Variants in ZNF804A observed in about 807,000 individuals in gnomAD.
ZNF804A encodes the protein zinc finger protein 804A.
ZNF804A carries 2 observed loss-of-function variants against 16.5 expected under a neutral mutation model. The observed-to-expected ratio is 0.12, with a 90% confidence interval of 0.05 to 0.38. The LOEUF is 0.38. Among genes scored for constraint, ZNF804A ranks in the 10% least tolerant of loss-of-function variants. The pLI is 0.99. For synonymous variants in ZNF804A, 534 were observed against 489.6 expected, an observed-to-expected ratio of 1.09 and a Z score of -1.20; for missense variants, 1,473 against 1,390.7, an observed-to-expected ratio of 1.06 and a Z score of -0.94.
At chr2:184,871,119 A>G (rs1307791392) in intron 2 of ZNF804A, among the ~76,000 whole-genome samples, 1 of 151,332 alleles carries the variant, frequency 6.6e-6, no homozygotes, top group African/African-American at 2.4e-5. Flanking sequence ...TAGATCTTCC[A>G]CAATACAATT....
chr2:184,609,582 A>T (rs1178437624), intron 1 of ZNF804A, among the ~76,000 whole-genome samples: 1 of 152,238 alleles, frequency 6.6e-6, no homozygotes, highest in Non-Finnish European at 1.5e-5. Flanking sequence ...GTCCAAGATC[A>T]AGTTCCTAGC....
chr2:184,752,170 A>T (rs183661601), intron 1 of ZNF804A, among the ~76,000 whole-genome samples: 244 of 151,752 alleles, frequency 1.6e-3, no homozygotes, highest in Non-Finnish European at 2.8e-3. Flanking sequence ...TAAAAAAGAC[A>T]CCTGTCCTCA....
chr2:184,846,383 C>A (rs1357999683), intron 1 of ZNF804A, among the ~76,000 whole-genome samples: 5 of 151,986 alleles, frequency 3.3e-5, no homozygotes, highest in African/African-American at 4.8e-5. Flanking sequence ...ATGGCCAATG[C>A]CTATACATAT....
At chr2:184,657,798 G>A (rs192677132) in intron 1 of ZNF804A, among the ~76,000 whole-genome samples, 48 of 152,192 alleles carry the variant, frequency 3.2e-4, no homozygotes, top group African/African-American at 1.1e-3. Flanking sequence ...GGACTATTTG[G>A]AGTCATTATG....
At chr2:184,749,415 T>C (rs1693842565) in intron 1 of ZNF804A, among the ~76,000 whole-genome samples, 5 of 151,350 alleles carry the variant, frequency 3.3e-5, no homozygotes. Context: ...CTGATATTTG[T>C]ACATTTATTT....
At chr2:184,664,987 A>T (rs1692233876) in intron 1 of ZNF804A, among the ~76,000 whole-genome samples, 1 of 152,150 alleles carries the variant, frequency 6.6e-6, no homozygotes, top group Admixed American at 6.5e-5. Context: ...TATAATGATA[A>T]TTTTTTAAGA....
At chr2:184,897,901 C>A (rs890121741) in intron 2 of ZNF804A, among the ~76,000 whole-genome samples, 1 of 152,050 alleles carries the variant, frequency 6.6e-6, no homozygotes, top group African/African-American at 2.4e-5. Context: ...CAAGAATCAG[C>A]CATTTCTTCC....
chr2:184,843,528 C>T (rs1382593190), intron 1 of ZNF804A, among the ~76,000 whole-genome samples: 1 of 152,094 alleles, frequency 6.6e-6, no homozygotes, highest in African/African-American at 2.4e-5. Flanking sequence ...CCCACCTCAG[C>T]CTCCCAAAGT....
At chr2:184,905,629 T>C (rs1558998611) in intron 2 of ZNF804A, among the ~76,000 whole-genome samples, 1 of 152,144 alleles carries the variant, frequency 6.6e-6, no homozygotes, top group Non-Finnish European at 1.5e-5. Flanking sequence ...AGCTATAATA[T>C]ATGTTTGTTT....
Position 184,781,220 on chromosome 2 carries a change from A to T in ZNF804A, c.112-85149A>T, listed in dbSNP as rs188629533. Among the ~76,000 whole-genome samples the T allele has an allele frequency of 2.8e-3, 432 of 151,892 alleles. 3 individuals are homozygous for T. The highest frequency in any genetic ancestry group is 4.0e-3 in the Non-Finnish European group (268 of 67,832). On this transcript the variant is annotated intron_variant, in intron 1 of 3. Transcript: ENST00000302277. Reference sequence around the variant, plus strand: ...CATGCATATGATTGTGCACAAATTTATCTTAGTAATTTGACGTTTTCTGTT... The same window carrying T: ...CATGCATATGATTGTGCACAAATTTTTCTTAGTAATTTGACGTTTTCTGTT...
chr2:184,608,365 A>T (rs1436948841), intron 1 of ZNF804A, among the ~76,000 whole-genome samples: 1 of 152,234 alleles, frequency 6.6e-6, no homozygotes, highest in East Asian at 1.9e-4. Context: ...TGTGATAAAG[A>T]AAAGACAATT....
At chr2:184,804,434 G>T (rs949659518) in intron 1 of ZNF804A, among the ~76,000 whole-genome samples, 1 of 152,178 alleles carries the variant, frequency 6.6e-6, no homozygotes, top group Non-Finnish European at 1.5e-5. Flanking sequence ...TCAAAATCTG[G>T]TCTCTGCATA....
At chr2:184,612,534 G>A (rs1464225895) in intron 1 of ZNF804A, among the ~76,000 whole-genome samples, 1 of 151,728 alleles carries the variant, frequency 6.6e-6, no homozygotes, top group East Asian at 1.9e-4. Context: ...CGCCTCCCAG[G>A]TTCCAGCAAT....
At chr2:184,627,186 AT>A (rs558034156) in intron 1 of ZNF804A, among the ~76,000 whole-genome samples, 38 of 152,194 alleles carry the variant, frequency 2.5e-4, no homozygotes, top group African/African-American at 8.4e-4. Context: ...TCTGTTTGCC[AT>A]TTTTTTGTCA....
chr2:184,751,625 T>C (rs1693879303), intron 1 of ZNF804A, among the ~76,000 whole-genome samples: 1 of 151,464 alleles, frequency 6.6e-6, no homozygotes, highest in African/African-American at 2.4e-5. Flanking sequence ...GAAGCAAAGA[T>C]AGACAAGTGA....
At chr2:184,708,185 A>G (rs965139557) in intron 1 of ZNF804A, among the ~76,000 whole-genome samples, 1 of 152,020 alleles carries the variant, frequency 6.6e-6, no homozygotes, top group African/African-American at 2.4e-5. Context: ...TGTCAGATGC[A>G]TAGTTTGCAA....
rs1159906250 is a variant in ZNF804A, at chr2:184,693,116, C to T, written c.111+94046C>T. Among the ~76,000 whole-genome samples the T allele has an allele frequency of 3.3e-5, 5 of 152,168 alleles. No homozygotes were observed. In the East Asian group the frequency reaches 9.6e-4, roughly 29 times the overall value. On this transcript the variant is annotated intron_variant, in intron 1 of 3. Coordinates refer to ENST00000302277, the MANE Select transcript of ZNF804A (RefSeq NM_194250.2). The stretch of plus-strand genomic sequence containing the variant: ...GAAATCATTCATTGTGGGGTTAGAA[C>T]ATATATTATTTCTGCACATCTGCCA...
intron 1 of ZNF804A, among the ~76,000 whole-genome samples, chr2:184,613,831 A>G (rs984757282): frequency 6.6e-6 from 1 of 152,192 alleles, no homozygotes; most frequent in Non-Finnish European, 1.5e-5. Context: ...GACAGGAAGA[A>G]TCAATATCAT....
chr2:184,741,771 T>C (rs1404391342), intron 1 of ZNF804A, among the ~76,000 whole-genome samples: 1 of 152,148 alleles, frequency 6.6e-6, no homozygotes, highest in Non-Finnish European at 1.5e-5. Flanking sequence ...CCCATTCTTT[T>C]AAATAGTTAA....
Sources: gnomAD v4.1 joint callset for allele counts (sites outside exome capture counted in the v4.1 genomes callset) on GRCh38, gnomAD v4.1.1 for gene constraint, MANE v1.5 for transcripts, NCBI Gene and HGNC (gene_info 2026-07-23, HGNC 2026-07-21) for gene names.